Variants in SDK1 observed in about 807,000 individuals in gnomAD.
SDK1 encodes sidekick cell adhesion molecule 1.
Under a neutral mutation model 245.5 loss-of-function variants are expected in SDK1, and 157 were observed. The ratio of observed to expected loss-of-function variants is 0.64; its 90% CI spans 0.56 to 0.73. SDK1 has a LOEUF of 0.73. Ranked by LOEUF, SDK1 falls within the 30% of genes least tolerant of loss-of-function variation. The pLI is 0.00. For missense variants in SDK1, 3,583 were observed against 3,002.3 expected (o/e 1.19, Z -4.52); for synonymous variants, 1,647 against 1,278.5 (o/e 1.29, Z -6.15).
chr7:3,461,760 A>G (rs1171628245), intron 1 of SDK1, among the ~76,000 whole-genome samples: 3 of 152,202 alleles, frequency 2.0e-5, no homozygotes, highest in Admixed American at 6.5e-5. Flanking sequence ...TCCAACTTAC[A>G]GAAATGACTG....
At chr7:3,640,903 C>G (rs1782628512) in intron 3 of SDK1, among the ~76,000 whole-genome samples, 1 of 152,002 alleles carries the variant, frequency 6.6e-6, no homozygotes, top group Non-Finnish European at 1.5e-5. Context: ...AGGCTGGTGT[C>G]AAATTCCTGA....
At chr7:4,072,447 G>C (rs1051943551) in intron 20 of SDK1, among the ~76,000 whole-genome samples, 1 of 152,202 alleles carries the variant, frequency 6.6e-6, no homozygotes, top group Non-Finnish European at 1.5e-5. Flanking sequence ...GAGATCGGAT[G>C]TTATCACCTT....
At chr7:4,238,986 A>C (rs1441805377) in intron 42 of SDK1, among the ~76,000 whole-genome samples, 1 of 152,176 alleles carries the variant, frequency 6.6e-6, no homozygotes, top group African/African-American at 2.4e-5. Flanking sequence ...ACTGTCACAG[A>C]AGCATCTCCA....
intron 35 of SDK1, among the ~76,000 whole-genome samples, chr7:4,191,520 C>T (rs1217189506): frequency 6.6e-6 from 1 of 152,252 alleles, no homozygotes; most frequent in African/African-American, 2.4e-5. Context: ...ACGCTGGCAG[C>T]CAGTGGAGGC....
intron 28 of SDK1, among the ~76,000 whole-genome samples, chr7:4,142,654 G>A (rs746159806): frequency 4.6e-5 from 7 of 152,088 alleles, no homozygotes; most frequent in Non-Finnish European, 1.0e-4. Context: ...GCAGAGACAG[G>A]GTTTCACCAT....
At chr7:3,380,733 A>G (rs562112473) in intron 1 of SDK1, among the ~76,000 whole-genome samples, 4 of 152,278 alleles carry the variant, frequency 2.6e-5, no homozygotes, top group South Asian at 2.1e-4. Flanking sequence ...TGACCTCATC[A>G]TAACAGAGTG....
At chr7:4,236,092 C>G (rs972202848) in intron 41 of SDK1, among the ~76,000 whole-genome samples, 6 of 152,268 alleles carry the variant, frequency 3.9e-5, no homozygotes, top group African/African-American at 1.4e-4. Flanking sequence ...AAAGCCGATT[C>G]CCTGTTCTTC....
chr7:3,391,542 T>C (rs1251930767), intron 1 of SDK1, among the ~76,000 whole-genome samples: 1 of 151,908 alleles, frequency 6.6e-6, no homozygotes, highest in African/African-American at 2.4e-5. Context: ...ATACCCAAAA[T>C]ATGTTTAAAA....
At chr7:3,767,954 C>T (rs1028630720) in intron 4 of SDK1, among the ~76,000 whole-genome samples, 7 of 152,114 alleles carry the variant, frequency 4.6e-5, no homozygotes, top group Non-Finnish European at 8.8e-5. Flanking sequence ...TTTACTTTAC[C>T]ATCCCCATTT....
intron 15 of SDK1, among the ~76,000 whole-genome samples, chr7:4,011,784 C>T (rs1472141721): frequency 3.3e-5 from 5 of 152,104 alleles, no homozygotes; most frequent in Admixed American, 6.5e-5. Context: ...GAGTCTGAGA[C>T]GGCAGGCCGA....
intron 32 of SDK1, among the ~76,000 whole-genome samples, chr7:4,172,326 C>G (rs756601848): frequency 6.6e-6 from 1 of 152,142 alleles, no homozygotes; most frequent in Non-Finnish European, 1.5e-5. Flanking sequence ...CTGGCATGTG[C>G]GTGTCGCATG....
chr7:4,190,415 C>G (rs1783127497), intron 35 of SDK1, among the ~76,000 whole-genome samples: 1 of 152,204 alleles, frequency 6.6e-6, no homozygotes, highest in East Asian at 1.9e-4. Flanking sequence ...TGGGTGGGAA[C>G]CGTTGCTCCG....
At chr7:3,310,559 T>G (rs1779526133) in intron 1 of SDK1, among the ~76,000 whole-genome samples, 1 of 152,182 alleles carries the variant, frequency 6.6e-6, no homozygotes, top group Admixed American at 6.5e-5. Context: ...GGTTTCTGGC[T>G]TGCATGACTA....
chr7:4,030,106 C>G (rs922821704), intron 17 of SDK1, among the ~76,000 whole-genome samples: 2 of 152,178 alleles, frequency 1.3e-5, no homozygotes, highest in African/African-American at 4.8e-5. Flanking sequence ...GCGCGTCAAG[C>G]ATCGGCTCCG....
At chr7:4,184,629 C>T (rs577226026) in intron 35 of SDK1, among the ~76,000 whole-genome samples, 14 of 152,342 alleles carry the variant, frequency 9.2e-5, no homozygotes, top group Admixed American at 1.3e-4. Context: ...ATACTTAAAT[C>T]TGTTTAAACT....
At chr7:4,223,088 A>C (rs561333760) in intron 40 of SDK1, among the ~76,000 whole-genome samples, 4 of 152,080 alleles carry the variant, frequency 2.6e-5, no homozygotes, top group Non-Finnish European at 4.4e-5. Context: ...GTCTCAAAAA[A>C]AAAAAAAAAA....
chr7:4,186,803 C>A (rs1356176750), intron 35 of SDK1, among the ~76,000 whole-genome samples: 1 of 152,132 alleles, frequency 6.6e-6, no homozygotes, highest in Non-Finnish European at 1.5e-5. Flanking sequence ...TCTCCTGGGC[C>A]CGTATAGACA....
chr7:3,366,578 G>C (rs1034787173), intron 1 of SDK1, among the ~76,000 whole-genome samples: 1 of 152,028 alleles, frequency 6.6e-6, no homozygotes, highest in Non-Finnish European at 1.5e-5. Flanking sequence ...GCAGATTTTT[G>C]CCAGATAGGT....
At chr7:3,534,212 A>C (rs548030888) in intron 1 of SDK1, among the ~76,000 whole-genome samples, 3 of 152,234 alleles carry the variant, frequency 2.0e-5, no homozygotes, top group East Asian at 3.9e-4. Context: ...ATCTTGTCAC[A>C]TATTGCAGGA....
Sources: allele counts gnomAD v4.1 joint callset (sites outside exome capture counted in the v4.1 genomes callset), GRCh38; gene constraint gnomAD v4.1.1; transcripts MANE v1.5; gene names NCBI Gene and HGNC (gene_info 2026-07-23, HGNC 2026-07-21).